The following DDRGK1 variants were observed in gnomAD, a reference collection of about 807,000 sequenced individuals.
DDRGK1 encodes DDRGK domain-containing protein 1.
In DDRGK1, 38 loss-of-function variants were observed where a neutral mutation model predicts 45.8. The observed-to-expected ratio is 0.83, with a 90% CI of 0.64 to 1.09. The LOEUF is 1.09. Among genes scored for constraint, DDRGK1 ranks in the 50% least tolerant of loss-of-function variants. The probability of loss-of-function intolerance (pLI) is 0.00; values close to 1 mark genes in which losing one functional copy is unlikely to be tolerated. For missense variants in DDRGK1, 403 were observed against 419.9 expected (o/e 0.96, Z 0.35); for synonymous variants, 171 against 168.7 (o/e 1.01, Z -0.11).
rs1176668604 is a variant in DDRGK1, at chr20:3,190,672, G to A, written c.926C>T (p.Pro309Leu). The change falls in exon 9 of 9, where the codon CCT becomes CTT. Residue 309 changes from proline to leucine, a missense_variant. By Grantham distance (98) the Pro-to-Leu change is moderately conservative. Coordinates refer to ENST00000354488, the MANE Select transcript of DDRGK1 (RefSeq NM_023935.3). ...CTGGGGTCAGGCTGGGGCTTGGGCAGGGGACTCCCGGCCCCAGGCGATGAG... is the reference window on the plus strand; with the variant it reads ...CTGGGGTCAGGCTGGGGCTTGGGCAAGGGACTCCCGGCCCCAGGCGATGAG... ...NSLIAWGRES[P>L]AQAPA is the part of the protein sequence containing the mutation. The A allele has an allele frequency of 6.2e-7, 1 of 1,613,898 alleles. No individual in the cohort carries two copies.
rs373934743 is a variant in DDRGK1 at position 3,192,666 on chromosome 20, C to T, written c.673-845G>A. Among the ~76,000 whole-genome samples, 10 of 152,296 alleles carry T rather than the reference C, an allele frequency of 6.6e-5. No individual in the cohort carries two copies. In the East Asian group the frequency reaches 1.5e-3, roughly 24 times the overall value. On this transcript the variant is annotated intron_variant, in intron 6 of 8. Coordinates refer to ENST00000354488, the MANE Select transcript of DDRGK1 (RefSeq NM_023935.3). The stretch of plus-strand genomic sequence containing the variant: ...CATACCCTCAGTAGAAACCTGAGTT[C>T]CCAAGGGCGCAGCGAAGGGTCCACC...
In DDRGK1 at chr20:3,203,427, G is replaced by A. The variant is rs2067050827; in HGVS notation, c.92-11C>T. The A allele has an allele frequency of 7.1e-6, 11 of 1,538,916 alleles. No homozygotes were observed. The highest frequency in any genetic ancestry group is 9.6e-6 in the Non-Finnish European group (11 of 1,143,236). ...GTGGCTCTTGGCCGGCTGTAGGGAA[G>A]ACAGAAATGACAATGCTGCCTATAA... On this transcript the variant is annotated splice_polypyrimidine_tract_variant and intron_variant, in intron 1 of 8. Transcript: ENST00000354488.
chr20:3,194,979 C>A, intron 5 of DDRGK1, 111 bp from the exon 6 acceptor site: 1 of 1,461,602 alleles, frequency 6.8e-7, no homozygotes. Flanking sequence ...CTGCAGCCTG[C>A]CTTTGGCCCG....
chr20:3,193,259 G>A (rs2066996855), intron 6 of DDRGK1, among the ~76,000 whole-genome samples: 1 of 152,200 alleles, frequency 6.6e-6, no homozygotes, highest in South Asian at 2.1e-4. Flanking sequence ...AGGCAAAAAA[G>A]GTCTATCCCC....
intron 4 of DDRGK1, among the ~76,000 whole-genome samples, 163 bp from the exon 5 acceptor site, chr20:3,195,516 C>A (rs1444082456): frequency 1.3e-5 from 2 of 152,142 alleles, no homozygotes; most frequent in African/African-American, 4.8e-5. Flanking sequence ...CAAGCTGAAC[C>A]ATGGGCCGAG....
chr20:3,200,418 G>A lies in DDRGK1; in HGVS notation c.332C>T (p.Thr111Ile). The change falls in exon 3 of 9, where the codon ACT (threonine) becomes ATT (isoleucine). Residue 111 changes from threonine (T) to isoleucine (I), a missense_variant. By Grantham distance (89) the Thr-to-Ile change is moderately conservative (BLOSUM62 -1). Transcript: ENST00000354488. ...AGCTCCAATTTTCCCCGACAGGTGA[G>A]TTTCCGCTGGCTTCTCGACACCTTC... ...EEEGVEKPAE[T>I]HLSGKIGAKK... 1 of 1,583,510 alleles carries A rather than the reference G, an allele frequency of 6.3e-7. No individual in the cohort carries two copies. Among genetic ancestry groups the A allele is most frequent in the South Asian group, 1.2e-5 (1 of 86,172 alleles).
chr20:3,191,816 G>C lies in DDRGK1; in HGVS notation c.678C>G (p.Ser226=), dbSNP rs904268013. The C allele has an allele frequency of 5.0e-6, 8 of 1,607,802 alleles. No individual in the cohort carries two copies. The highest frequency in any genetic ancestry group is 6.8e-6 in the Non-Finnish European group (8 of 1,177,202). The change falls in exon 7 of 9, where the codon TCC becomes TCG. Residue 226 remains serine, a synonymous_variant. Coordinates refer to ENST00000354488, the MANE Select transcript of DDRGK1 (RefSeq NM_023935.3). The stretch of plus-strand genomic sequence containing the variant: ...CCAGGTCTTCCAAGAGCACAACCTT[G>C]GACTGCTACAAAAAGAAGGAGGAAA... ...LTEFINYIKQ[S]KVVLLEDLAS...
intron 4 of DDRGK1, among the ~76,000 whole-genome samples, chr20:3,198,805 G>A (rs1397576646): frequency 1.4e-5 from 2 of 140,236 alleles, no homozygotes; most frequent in African/African-American, 2.7e-5. Context: ...TCCTAGATGG[G>A]ACCCTGGAAA....
intron 6 of DDRGK1, among the ~76,000 whole-genome samples, chr20:3,194,078 C>T (rs2066999892): frequency 6.6e-6 from 1 of 152,178 alleles, no homozygotes; most frequent in Non-Finnish European, 1.5e-5. Flanking sequence ...GGCTGTGAGC[C>T]CAGCCCCTCG....
chr20:3,204,503 G>C, intron 1 of DDRGK1, 34 bp downstream of exon 1: 1 of 1,537,428 alleles, frequency 6.5e-7, no homozygotes, highest in Non-Finnish European at 8.7e-7. Context: ...AGAAAACCCG[G>C]TACCACCAAC....
At chr20:3,191,309 C>T (rs371714511) in intron 7 of DDRGK1, 71 bp from the exon 8 acceptor site, 49 of 1,499,370 alleles carry the variant, frequency 3.3e-5, no homozygotes, top group African/African-American at 1.9e-4. Flanking sequence ...AAACCTCCCT[C>T]CCACTACAGC....
intron 1 of DDRGK1, 45 bp from the exon 2 acceptor site, chr20:3,203,461 C>T (rs901036854): frequency 2.1e-6 from 3 of 1,463,348 alleles, no homozygotes; most frequent in Non-Finnish European, 2.7e-6. Flanking sequence ...AAGCCCAGCC[C>T]GGCCCATGGC....
At position 3,191,834 on chromosome 20, in the gene DDRGK1, G is replaced by T; in HGVS notation, c.673-13C>A. On this transcript the variant is annotated splice_polypyrimidine_tract_variant and intron_variant, in intron 6 of 8. Transcript: ENST00000354488. ...CAACCTTGGACTGCTACAAAAAGAA[G>T]GAGGAAAAGAAAGAGAGGCTGAGCT... The T allele has an allele frequency of 6.2e-7, 1 of 1,604,092 alleles. No individual in the cohort carries two copies.
chr20:3,201,593 A>G (rs909864799), intron 2 of DDRGK1, among the ~76,000 whole-genome samples: 2 of 152,038 alleles, frequency 1.3e-5, no homozygotes, highest in Non-Finnish European at 2.9e-5. Flanking sequence ...CTGGATATTT[A>G]AGGTACTGTG....
chr20:3,200,346 C>T lies in DDRGK1; in HGVS notation c.404G>A (p.Arg135His), dbSNP rs149776454. The part of the protein sequence containing the change: ...LEEKQARKAQ[R>H]EAEEAEREER... The stretch of plus-strand genomic sequence containing the variant: ...CACCCCATCCCTCCGGCTTGCCTCA[C>T]GCTGGGCCTTTCGCGCTTGTTTCTC... The change falls in exon 3 of 9, where the codon CGT becomes CAT. Residue 135 changes from arginine (R) to histidine (H), a missense_variant. Physicochemically the swap from Arg to His is conservative, Grantham distance 29. Transcript: ENST00000354488. The T allele has an allele frequency of 2.2e-5, 34 of 1,562,422 alleles. No individual in the cohort carries two copies. The highest frequency in any genetic ancestry group is 1.4e-4 in the East Asian group (6 of 42,012).
chr20:3,201,925 G>T (rs979788455), intron 2 of DDRGK1, among the ~76,000 whole-genome samples: 1 of 151,690 alleles, frequency 6.6e-6, no homozygotes, highest in Non-Finnish European at 1.5e-5. Context: ...GCCTCCCAAA[G>T]TGCTGGGATT....
intron 1 of DDRGK1, among the ~76,000 whole-genome samples, chr20:3,204,308 G>T (rs1047250858): frequency 3.3e-5 from 5 of 152,186 alleles, no homozygotes; most frequent in Admixed American, 1.3e-4. Flanking sequence ...TGAAGAGAGG[G>T]ATGAGGCCAG....
Position 3,195,288 on chromosome 20 carries a change from C to T in DDRGK1, c.576G>A (p.Leu192=), listed in dbSNP as rs1159560039. ...CCTCCTCCACCACAAAGGCCTCCTT[C>T]AGTTTCAGGTACTCCTCATGCTCCC... is the stretch of plus-strand genomic sequence containing the variant. ...AQREHEEYLK[L]KEAFVVEEEG... is the part of the protein sequence containing the mutation. The change falls in exon 5 of 9, where the codon CTG becomes CTA. Residue 192 remains leucine, a synonymous_variant. Transcript: ENST00000354488. The T allele has an allele frequency of 6.2e-7, 1 of 1,613,824 alleles. No individual in the cohort carries two copies. Among genetic ancestry groups the T allele is most frequent in the South Asian group, 1.1e-5 (1 of 91,054 alleles).
chr20:3,191,769 G>A lies in DDRGK1; in HGVS notation c.725C>T (p.Thr242Ile). 1 of 1,604,922 alleles carries A rather than the reference G, an allele frequency of 6.2e-7. No individual in the cohort carries two copies. Among genetic ancestry groups the A allele is most frequent in the Non-Finnish European group, 8.5e-7 (1 of 1,175,576 alleles). Reference sequence around the variant, plus strand: ...AGGCCACGTTCCAGGGCTTACCTGAGTGCGTAGGCCCACCTGGGAAGCCAG... The same window carrying A: ...AGGCCACGTTCCAGGGCTTACCTGAATGCGTAGGCCCACCTGGGAAGCCAG... ...EDLASQVGLR[T>I]QDTINRIQDL... Residue 242 changes from threonine to isoleucine, a missense_variant, in exon 7 of 9, where the codon ACT becomes ATT. Coordinates refer to ENST00000354488, the MANE Select transcript of DDRGK1 (RefSeq NM_023935.3).
Sources: gnomAD v4.1 joint callset for allele counts (sites outside exome capture counted in the v4.1 genomes callset) on GRCh38, gnomAD v4.1.1 for gene constraint, MANE v1.5 for transcripts, NCBI Gene and HGNC (gene_info 2026-07-23, HGNC 2026-07-21) for gene names.